Variants in TRPC4AP observed in about 807,000 individuals in gnomAD.
TRPC4AP encodes the protein transient receptor potential cation channel subfamily C member 4 associated protein.
Under a neutral mutation model 99.0 loss-of-function variants are expected in TRPC4AP, and 45 were observed. The observed-to-expected ratio is 0.45, with a 90% CI of 0.36 to 0.58. The LOEUF (loss-of-function observed/expected upper bound fraction) is 0.58. Ranked by LOEUF, TRPC4AP falls within the 20% of genes least tolerant of loss-of-function variation. The pLI, the probability that TRPC4AP is intolerant of heterozygous loss-of-function variation, is 0.00. For missense variants in TRPC4AP, 879 were observed against 985.3 expected (o/e 0.89, Z 1.44); for synonymous variants, 408 against 385.8 (o/e 1.06, Z -0.67).
chr20:35,085,419 C>T (rs1419552136), intron 1 of TRPC4AP, among the ~76,000 whole-genome samples: 1 of 152,050 alleles, frequency 6.6e-6, no homozygotes, highest in African/African-American at 2.4e-5. Flanking sequence ...TAAGACCAGC[C>T]TGGGCAACAT....
At chr20:35,081,074 G>A (rs981865641) in intron 1 of TRPC4AP, among the ~76,000 whole-genome samples, 1 of 151,992 alleles carries the variant, frequency 6.6e-6, no homozygotes, top group Non-Finnish European at 1.5e-5. Flanking sequence ...CAATAAAGTT[G>A]TTTAAGAAAT....
intron 2 of TRPC4AP, among the ~76,000 whole-genome samples, chr20:35,073,918 A>G (rs903840537): frequency 2.0e-5 from 3 of 152,160 alleles, no homozygotes; most frequent in African/African-American, 7.2e-5. Flanking sequence ...TTTGGTTGGT[A>G]GGCTATTAAT....
intron 1 of TRPC4AP, among the ~76,000 whole-genome samples, chr20:35,084,645 TATGTTTATATGC>T (rs1197748337): frequency 5.9e-5 from 5 of 84,946 alleles, no homozygotes; most frequent in Non-Finnish European, 9.8e-5. Context: ...TATATGTATG[TATGTTTATATGC>T]ATATATGTGT....
intron 7 of TRPC4AP, among the ~76,000 whole-genome samples, chr20:35,043,004 C>T (rs2083474404): frequency 1.3e-5 from 2 of 151,992 alleles, no homozygotes. Flanking sequence ...TGTGGGCAAA[C>T]GTATGGTCTT....
At chr20:35,021,142 C>T (rs770439767) in intron 9 of TRPC4AP, 48 bp downstream of exon 9, 12 of 1,584,816 alleles carry the variant, frequency 7.6e-6, no homozygotes, top group Middle Eastern at 1.7e-4. Context: ...CATGAGCACC[C>T]GGGCAGCACC....
chr20:35,061,779 T>C (rs2084014955), intron 3 of TRPC4AP, among the ~76,000 whole-genome samples: 1 of 152,190 alleles, frequency 6.6e-6, no homozygotes, highest in African/African-American at 2.4e-5. Context: ...TAGGTAAATC[T>C]TTGTGACCTT....
chr20:35,016,525 C>T (rs934790164), intron 9 of TRPC4AP, among the ~76,000 whole-genome samples: 3 of 152,164 alleles, frequency 2.0e-5, no homozygotes, highest in African/African-American at 4.8e-5. Context: ...TTTGTCTCCT[C>T]GTATTAACAT....
At chr20:35,007,283 T>C (rs1049851833) in intron 14 of TRPC4AP, among the ~76,000 whole-genome samples, 1 of 152,222 alleles carries the variant, frequency 6.6e-6, no homozygotes, top group Admixed American at 6.5e-5. Flanking sequence ...GTACAAAATA[T>C]CTTCAGGGTC....
At chr20:35,015,972 T>C in intron 10 of TRPC4AP, 36 bp downstream of exon 10, 2 of 1,613,122 alleles carry the variant, frequency 1.2e-6, no homozygotes, top group Non-Finnish European at 1.7e-6. Flanking sequence ...TCCAAGCCAG[T>C]GAGGCCCCAT....
rs1479270980 is a variant in TRPC4AP, at chr20:35,024,854, A to AAAAAAAAAAAAAAAAAAAAAAAACAT, written c.1052-3499_1052-3498insATGTTTTTTTTTTTTTTTTTTTTTTT. On this transcript the variant is annotated intron_variant, in intron 8 of 18. Coordinates refer to ENST00000252015, the MANE Select transcript of TRPC4AP (RefSeq NM_015638.3). ...AAAAAAAAAAAAAAAAAAAAAAAAA[A>AAAAAAAAAAAAAAAAAAAAAAAACAT]ATTCTGTTTATTCATTAATCAGGTG... is the stretch of plus-strand genomic sequence containing the variant. 4.5e-5 allele frequency among the ~76,000 whole-genome samples: 4 copies of AAAAAAAAAAAAAAAAAAAAAAAACAT among 89,478 alleles called. 1 individual carries two copies. The highest frequency in any genetic ancestry group is 8.7e-4 in the East Asian group (2 of 2,286). The allele number at this position is 89,478 out of a possible 152,430, so 58.7% of individuals were successfully genotyped here. A position where few individuals can be genotyped will look rare whatever the true frequency, so the allele number is the denominator to read the frequency against.
At chr20:35,037,282 G>C (rs1053607229) in intron 7 of TRPC4AP, among the ~76,000 whole-genome samples, 82 of 146,280 alleles carry the variant, frequency 5.6e-4, no homozygotes, top group African/African-American at 1.7e-3. Flanking sequence ...AGGAGGCAGA[G>C]CTTGCAGTGA....
chr20:35,005,836 GGCT>G lies in TRPC4AP; in HGVS notation c.1828-36_1828-34del, dbSNP rs772822549. 5 of 1,601,260 alleles carry G rather than the reference GGCT, an allele frequency of 3.1e-6. No homozygotes were observed. The East Asian group carries it at 1.1e-4, about 36-fold the overall frequency. The stretch of plus-strand genomic sequence containing the variant: ...GAAACCAAGCTCACAGCAGGCAGTG[GGCT>G]GCTGGCCAGGTATGGCCATGGCCCG... On this transcript the variant is annotated intron_variant, in intron 15 of 18. Transcript: ENST00000252015.
rs1311680722 is a variant in TRPC4AP, at chr20:35,037,294, C to T, written c.866-1986G>A. Among the ~76,000 whole-genome samples, 3 of 133,886 alleles carry T rather than the reference C, an allele frequency of 2.2e-5. No individual in the cohort carries two copies. In the South Asian group the frequency reaches 7.1e-4, roughly 32 times the overall value. The allele number at this position is 133,886 out of a possible 152,430, so 87.8% of individuals were successfully genotyped here. On this transcript the variant is annotated intron_variant, in intron 7 of 18. Coordinates refer to ENST00000252015, the MANE Select transcript of TRPC4AP (RefSeq NM_015638.3). ...CCCAGGAGGCAGAGCTTGCAGTGAG[C>T]GGAGATCGCGCCACTGCACTCCGGC...
At chr20:35,054,615 G>A (rs2083782694) in intron 5 of TRPC4AP, among the ~76,000 whole-genome samples, 1 of 152,178 alleles carries the variant, frequency 6.6e-6, no homozygotes, top group Non-Finnish European at 1.5e-5. Flanking sequence ...TTCTCATTTT[G>A]TTTTCTAACA....
At chr20:35,018,107 A>C (rs571994954) in intron 9 of TRPC4AP, among the ~76,000 whole-genome samples, 3 of 152,282 alleles carry the variant, frequency 2.0e-5, no homozygotes, top group African/African-American at 7.2e-5. Context: ...ACAATGGCCC[A>C]AAAAAATTCA....
chr20:35,066,539 T>C lies in TRPC4AP; in HGVS notation c.414+2757A>G, dbSNP rs565224808. 5.9e-5 allele frequency among the ~76,000 whole-genome samples: 9 copies of C among 152,188 alleles called. No homozygotes were observed. The South Asian group carries it at 1.5e-3, about 25-fold the overall frequency. ...CTCATGTTCACTTCAGGTAATGGGG[T>C]TAAGGGCAGATATCTAGGGGAGCAA... On this transcript the variant is annotated intron_variant, in intron 3 of 18. Transcript: ENST00000252015.
chr20:35,068,022 TTAA>T (rs2084190358), intron 3 of TRPC4AP, among the ~76,000 whole-genome samples: 1 of 152,216 alleles, frequency 6.6e-6, no homozygotes, highest in Non-Finnish European at 1.5e-5. Flanking sequence ...GAACCATATC[TTAA>T]TAAAGCTGAT....
At chr20:35,005,834 T>C (rs2082503872) in intron 15 of TRPC4AP, 31 bp from the exon 16 acceptor site, 1 of 1,597,498 alleles carries the variant, frequency 6.3e-7, no homozygotes, top group Non-Finnish European at 8.6e-7. Flanking sequence ...CAGCAGGCAG[T>C]GGGCTGCTGG....
intron 7 of TRPC4AP, among the ~76,000 whole-genome samples, chr20:35,041,311 A>G (rs1261423080): frequency 6.6e-6 from 1 of 152,224 alleles, no homozygotes; most frequent in Non-Finnish European, 1.5e-5. Context: ...TATGTCCACC[A>G]GCTTGGCCTT....
Sources: gnomAD v4.1 joint callset for allele counts (sites outside exome capture counted in the v4.1 genomes callset) on GRCh38, gnomAD v4.1.1 for gene constraint, MANE v1.5 for transcripts, NCBI Gene and HGNC (gene_info 2026-07-23, HGNC 2026-07-21) for gene names.